The following OPN3 variants were observed in gnomAD, a reference collection of about 807,000 sequenced individuals.
The protein encoded by OPN3 is opsin-3.
A neutral mutation model predicts 33.8 loss-of-function variants in OPN3; 29 were observed. That is an observed-to-expected ratio of 0.86 (90% CI 0.64 to 1.17). The LOEUF (loss-of-function observed/expected upper bound fraction) is 1.17. Ranked by LOEUF, OPN3 falls within the 50% of genes most tolerant of loss-of-function variation. The pLI is 0.00. For missense variants in OPN3, 437 were observed against 514.1 expected (o/e 0.85, Z 1.45); for synonymous variants, 216 against 216.1 (o/e 1.00, Z 0.00).
chr1:241,606,546 A>AAAATAAGT (rs1663834557), intron 1 of OPN3, among the ~76,000 whole-genome samples: 1 of 142,038 alleles, frequency 7.0e-6, no homozygotes, highest in Non-Finnish European at 1.5e-5. Context: ...ACTCTGATTC[A>AAAATAAGT]AAATAAATAA....
intron 1 of OPN3, among the ~76,000 whole-genome samples, chr1:241,637,894 C>T (rs889532760): frequency 1.3e-5 from 2 of 152,156 alleles, no homozygotes; most frequent in East Asian, 1.9e-4. Context: ...GAAGCTACTT[C>T]CCTCATTTTT....
Position 241,594,276 on chromosome 1 carries a change from G to A in OPN3, c.*152C>T, listed in dbSNP as rs1345038320. On this transcript the variant is annotated 3_prime_UTR_variant, in exon 4 of 4. Coordinates refer to ENST00000366554, the MANE Select transcript of OPN3 (RefSeq NM_014322.3). Reference sequence around the variant, plus strand: ...TTGTTTTTGTTCAACCTCTTCCTGAGGCCCAAGAGCATATGGGCAATTCGG... The same window carrying A: ...TTGTTTTTGTTCAACCTCTTCCTGAAGCCCAAGAGCATATGGGCAATTCGG... 5 of 803,084 alleles carry A rather than the reference G, an allele frequency of 6.2e-6. No homozygotes were observed. Among genetic ancestry groups the A allele is most frequent in the Non-Finnish European group, 9.6e-6 (5 of 518,406 alleles). The allele number at this position is 803,084 out of a possible 1,614,324, so 49.7% of individuals were successfully genotyped here.
intron 3 of OPN3, among the ~76,000 whole-genome samples, chr1:241,596,205 T>C (rs931243113): frequency 1.3e-5 from 2 of 152,258 alleles, no homozygotes; most frequent in African/African-American, 4.8e-5. Context: ...GTTAATGTAT[T>C]TTAATTTTGT....
At chr1:241,633,074 C>T (rs1475399073) in intron 1 of OPN3, 1 of 152,090 alleles carries the variant, frequency 6.6e-6, no homozygotes, top group East Asian at 1.9e-4. Context: ...ATTTCCTTTG[C>T]AATCAACCTC....
At chr1:241,634,654 G>A (rs762651762) in intron 1 of OPN3, 1 of 1,613,822 alleles carries the variant, frequency 6.2e-7, no homozygotes, top group East Asian at 2.2e-5. Flanking sequence ...AGGGGGTGTT[G>A]CCAAACCGTC....
intron 2 of OPN3, among the ~76,000 whole-genome samples, chr1:241,601,903 G>A (rs559049162): frequency 3.9e-5 from 6 of 152,242 alleles, no homozygotes; most frequent in Non-Finnish European, 7.4e-5. Flanking sequence ...GCAAATAGAC[G>A]AGCAGAAGAT....
intron 1 of OPN3, among the ~76,000 whole-genome samples, chr1:241,628,068 G>C (rs1379644242): frequency 6.6e-6 from 1 of 152,320 alleles, no homozygotes; most frequent in African/African-American, 2.4e-5. Context: ...AGACTTCGGA[G>C]AGTGTTAAAC....
At chr1:241,601,895 A>C (rs1008577740) in intron 2 of OPN3, among the ~76,000 whole-genome samples, 1 of 152,226 alleles carries the variant, frequency 6.6e-6, no homozygotes, top group Non-Finnish European at 1.5e-5. Flanking sequence ...ATGAGAAAGC[A>C]AATAGACGAG....
intron 1 of OPN3, among the ~76,000 whole-genome samples, chr1:241,617,562 G>A (rs1214480395): frequency 6.6e-6 from 1 of 152,188 alleles, no homozygotes; most frequent in Non-Finnish European, 1.5e-5. Flanking sequence ...AGGTTTTAGA[G>A]CGGGTGATAA....
chr1:241,606,048 G>C (rs1212002872), intron 1 of OPN3, among the ~76,000 whole-genome samples: 1 of 152,060 alleles, frequency 6.6e-6, no homozygotes, highest in Non-Finnish European at 1.5e-5. Flanking sequence ...AGTAGAGAAT[G>C]TAAAACACGA....
At position 241,634,734 on chromosome 1, in the gene OPN3, T is replaced by C. The variant is rs370009554; in HGVS notation, c.373+5148A>G. 6.8e-6 allele frequency: 11 copies of C among 1,613,918 alleles called. No individual in the cohort carries two copies. The highest frequency in any genetic ancestry group is 6.7e-5 in the Admixed American group (4 of 59,996). On this transcript the variant is annotated intron_variant, in intron 1 of 3. Coordinates refer to ENST00000366554, the MANE Select transcript of OPN3 (RefSeq NM_014322.3). ...GTAGTGCAAGATGATTCTGATGTCA[T>C]TGCAATTGAGTGCAGTACAAAATGT...
At chr1:241,626,044 A>G (rs1260083853) in intron 1 of OPN3, among the ~76,000 whole-genome samples, 1 of 152,206 alleles carries the variant, frequency 6.6e-6, no homozygotes, top group Admixed American at 6.5e-5. Context: ...AATTATTTAG[A>G]TGGAACCTCT....
chr1:241,606,987 C>T (rs1391596575), intron 1 of OPN3, among the ~76,000 whole-genome samples: 1 of 152,092 alleles, frequency 6.6e-6, no homozygotes, highest in Non-Finnish European at 1.5e-5. Context: ...GAATGAAATA[C>T]AGAGGTGCTG....
chr1:241,639,842 G>C (rs1204697532), intron 1 of OPN3, 40 bp downstream of exon 1: 1 of 1,453,980 alleles, frequency 6.9e-7, no homozygotes, highest in Non-Finnish European at 9.1e-7. Flanking sequence ...GGGAGTGGAA[G>C]TTTGCAGAGG....
At chr1:241,617,547 G>T (rs1664165745) in intron 1 of OPN3, among the ~76,000 whole-genome samples, 1 of 152,144 alleles carries the variant, frequency 6.6e-6, no homozygotes, top group Admixed American at 6.5e-5. Flanking sequence ...GGGAGCTCAG[G>T]GTTTAGGTTT....
chr1:241,594,958 A>G (rs1663456316), intron 3 of OPN3: 1 of 378,840 alleles, frequency 2.6e-6, no homozygotes, highest in South Asian at 4.6e-5. Flanking sequence ...CACACTTTCT[A>G]TGAGGGCAGG....
chr1:241,602,153 G>T (rs777475413), intron 2 of OPN3, among the ~76,000 whole-genome samples: 1 of 152,140 alleles, frequency 6.6e-6, no homozygotes, highest in African/African-American at 2.4e-5. Flanking sequence ...ATAGGATGCT[G>T]GGGAGGCCCA....
intron 3 of OPN3, among the ~76,000 whole-genome samples, chr1:241,596,593 G>A (rs1173059679): frequency 2.0e-5 from 3 of 152,144 alleles, no homozygotes; most frequent in African/African-American, 4.8e-5. Flanking sequence ...TTACAAAAGT[G>A]CCCTCTTCTT....
At chr1:241,635,400 G>T in intron 1 of OPN3, 1 of 1,614,014 alleles carries the variant, frequency 6.2e-7, no homozygotes, top group Non-Finnish European at 8.5e-7. Flanking sequence ...CCCAAAGAAG[G>T]ATTTTTCTGC....
Sources: gnomAD v4.1 joint callset for allele counts (sites outside exome capture counted in the v4.1 genomes callset) on GRCh38, gnomAD v4.1.1 for gene constraint, MANE v1.5 for transcripts, NCBI Gene and HGNC (gene_info 2026-07-23, HGNC 2026-07-21) for gene names.